The following ACTR3C variants were observed in gnomAD, a reference collection of about 807,000 sequenced individuals.
ACTR3C encodes actin related protein 3C.
Under a neutral mutation model 26.3 loss-of-function variants are expected in ACTR3C, and 18 were observed. That is an observed-to-expected ratio of 0.68 (90% CI 0.47 to 1.01). The LOEUF (loss-of-function observed/expected upper bound fraction) is 1.01, where lower values mean the gene tolerates loss of function less well. Ranked by LOEUF, ACTR3C falls within the 50% of genes least tolerant of loss-of-function variation. The probability of loss-of-function intolerance (pLI) is 0.00; values close to 1 mark genes in which losing one functional copy is unlikely to be tolerated. For missense variants in ACTR3C, 184 were observed against 250.7 expected, an observed-to-expected ratio of 0.73 and a Z score of 1.80; for synonymous variants, 55 against 94.5, an observed-to-expected ratio of 0.58 and a Z score of 2.42.
At chr7:149,996,582 A>AAT in the ACTR3C span, among the ~76,000 whole-genome samples, 6 of 148,908 alleles carry the variant, frequency 4.0e-5, no homozygotes, top group African/African-American at 1.5e-4. Context: ...TTCTGGTAAA[A>AAT]AAATAAATAA....
the ACTR3C span, among the ~76,000 whole-genome samples, chr7:149,906,453 A>AGT: frequency 1.2e-5 from 1 of 83,268 alleles, no homozygotes. Flanking sequence ...TTTTTTTTAG[A>AGT]TGGAGCCTCA....
At chr7:149,994,949 G>A in the ACTR3C span, among the ~76,000 whole-genome samples, 2 of 149,558 alleles carry the variant, frequency 1.3e-5, no homozygotes, top group African/African-American at 4.9e-5. Context: ...CTGCCTCCCA[G>A]GTTCAAGTGA....
the ACTR3C span, among the ~76,000 whole-genome samples, chr7:150,139,185 G>C: frequency 6.6e-6 from 1 of 152,194 alleles, no homozygotes; most frequent in Non-Finnish European, 1.5e-5. Context: ...ACCAGTCCCT[G>C]GTGCCAAAAA....
chr7:150,041,798 C>T, the ACTR3C span, among the ~76,000 whole-genome samples: 6 of 136,974 alleles, frequency 4.4e-5, 1 homozygote, highest in Non-Finnish European at 9.4e-5. Flanking sequence ...GCGGGGGGTG[C>T]CTCCCCCCCT....
At chr7:149,927,074 T>C in the ACTR3C span, among the ~76,000 whole-genome samples, 4 of 151,582 alleles carry the variant, frequency 2.6e-5, no homozygotes. Flanking sequence ...ACTTTTTTTT[T>C]TCTTTTTTTA....
intron 1 of ACTR3C, among the ~76,000 whole-genome samples, chr7:150,310,547 C>T (rs1241548006): frequency 6.6e-6 from 1 of 152,106 alleles, no homozygotes; most frequent in East Asian, 1.9e-4. Context: ...CCCCTATACT[C>T]TCCTCTCCTC....
the ACTR3C span, among the ~76,000 whole-genome samples, chr7:150,152,822 T>C: frequency 6.6e-4 from 100 of 152,256 alleles, no homozygotes; most frequent in African/African-American, 2.4e-3. Flanking sequence ...TCAGAGCCTG[T>C]TATTGGTCTA....
chr7:150,307,734 C>T (rs1476102658), intron 1 of ACTR3C, among the ~76,000 whole-genome samples: 2 of 152,198 alleles, frequency 1.3e-5, no homozygotes, highest in African/African-American at 4.8e-5. Flanking sequence ...CGGGGGACCT[C>T]CCTCCAGAGA....
At chr7:150,001,004 A>T in the ACTR3C span, 1 of 152,602 alleles carries the variant, frequency 6.6e-6, no homozygotes. Flanking sequence ...GGCCTTGCAG[A>T]CATCACCAGA....
At chr7:150,093,495 T>C in the ACTR3C span, among the ~76,000 whole-genome samples, 6 of 151,066 alleles carry the variant, frequency 4.0e-5, no homozygotes, top group Non-Finnish European at 8.8e-5. Context: ...TAGACAAATG[T>C]TAATGGTGTT....
the ACTR3C span, among the ~76,000 whole-genome samples, chr7:150,036,119 G>T: frequency 7.4e-6 from 1 of 134,880 alleles, no homozygotes. Context: ...GCCAGGGGGG[G>T]AAGAGGGGTT....
chr7:150,181,623 A>G, the ACTR3C span, among the ~76,000 whole-genome samples: 5 of 149,472 alleles, frequency 3.3e-5, no homozygotes, highest in East Asian at 1.9e-4. Flanking sequence ...ATATATATAT[A>G]GCACCCATTT....
chr7:150,023,922 A>G, the ACTR3C span, among the ~76,000 whole-genome samples: 1 of 119,600 alleles, frequency 8.4e-6, no homozygotes, highest in South Asian at 3.0e-4. Flanking sequence ...AGCCATGGAG[A>G]GGAGCAAAGG....
At chr7:150,306,310 C>A (rs935090260) in intron 1 of ACTR3C, among the ~76,000 whole-genome samples, 8 of 151,950 alleles carry the variant, frequency 5.3e-5, no homozygotes, top group Admixed American at 4.6e-4. Context: ...ATTTGCTCCA[C>A]ATGCCTAAGA....
chr7:149,891,115 A>G, the ACTR3C span: 27 of 536,144 alleles, frequency 5.0e-5, no homozygotes, highest in South Asian at 5.5e-4. Flanking sequence ...ACGCCCTAGA[A>G]AAGAATATCT....
At chr7:150,064,649 T>TACATACACACAC in the ACTR3C span, among the ~76,000 whole-genome samples, 1 of 145,138 alleles carries the variant, frequency 6.9e-6, no homozygotes, top group African/African-American at 2.6e-5. Flanking sequence ...TATTTTCACA[T>TACATACACACAC]ACACACACAC....
At chr7:150,075,355 C>T in the ACTR3C span, among the ~76,000 whole-genome samples, 1 of 135,658 alleles carries the variant, frequency 7.4e-6, no homozygotes, top group Non-Finnish European at 1.6e-5. Flanking sequence ...TTCTCTTCAT[C>T]TCCCTTCTCC....
chr7:149,895,498 C>G, the ACTR3C span, among the ~76,000 whole-genome samples: 1 of 152,084 alleles, frequency 6.6e-6, no homozygotes. Flanking sequence ...ATATTATACA[C>G]GATAAAAACA....
At chr7:150,035,049 C>G in the ACTR3C span, among the ~76,000 whole-genome samples, 6 of 127,510 alleles carry the variant, frequency 4.7e-5, no homozygotes, top group Non-Finnish European at 1.0e-4. Context: ...CTCAGTAATC[C>G]CACGTAAGGT....
Sources: gnomAD v4.1 joint callset for allele counts (sites outside exome capture counted in the v4.1 genomes callset) on GRCh38, gnomAD v4.1.1 for gene constraint, MANE v1.5 for transcripts, NCBI Gene and HGNC (gene_info 2026-07-23, HGNC 2026-07-21) for gene names.